Variants in ROR2 observed in about 807,000 individuals in gnomAD.
ROR2 encodes tyrosine-protein kinase transmembrane receptor ROR2.
A neutral mutation model predicts 74.9 loss-of-function variants in ROR2; 33 were observed. That is an observed-to-expected ratio of 0.44 (90% CI 0.33 to 0.59). ROR2 has a LOEUF of 0.59. ROR2 is among the 20% of genes least tolerant of loss of function. The pLI is 0.02. For synonymous variants in ROR2, 586 were observed against 558.7 expected, an observed-to-expected ratio of 1.05 and a Z score of -0.69; for missense variants, 1,216 against 1,313.8, an observed-to-expected ratio of 0.93 and a Z score of 1.15.
intron 1 of ROR2, among the ~76,000 whole-genome samples, chr9:91,910,809 G>T (rs1300818566): frequency 6.6e-6 from 1 of 152,008 alleles, no homozygotes; most frequent in East Asian, 1.9e-4. Flanking sequence ...GATTAGAGGC[G>T]TGTACCACCA....
At position 91,794,689 on chromosome 9, in the gene ROR2, C is replaced by T. The variant is rs531889444; in HGVS notation, c.98-18871G>A. 3.6e-4 allele frequency among the ~76,000 whole-genome samples: 54 copies of T among 151,608 alleles called. 1 individual carries two copies. Among genetic ancestry groups the T allele is most frequent in the African/African-American group, 1.2e-3 (51 of 41,322 alleles). On this transcript the variant is annotated intron_variant, in intron 1 of 8. Transcript: ENST00000375708. ...GCAACCTCTGCCTCCCAGGTTCAAG[C>T]GATTCTCCTTAGGCATTTCTTTTTC...
At chr9:91,827,769 G>A (rs987580261) in intron 1 of ROR2, among the ~76,000 whole-genome samples, 2 of 152,172 alleles carry the variant, frequency 1.3e-5, no homozygotes, top group African/African-American at 2.4e-5. Flanking sequence ...GTGTTCCATC[G>A]GTAGGCTTAA....
At chr9:91,798,196 G>C (rs1405493082) in intron 1 of ROR2, among the ~76,000 whole-genome samples, 8 of 76,966 alleles carry the variant, frequency 1.0e-4, no homozygotes, top group African/African-American at 4.0e-4. Context: ...ACACCATGGG[G>C]TCTGTTAGTG....
chr9:91,917,569 C>T (rs956981352), intron 1 of ROR2, among the ~76,000 whole-genome samples: 12 of 152,190 alleles, frequency 7.9e-5, no homozygotes, highest in Non-Finnish European at 2.9e-5. Flanking sequence ...GAAAGCATGC[C>T]CAGGAAGACC....
chr9:91,754,061 G>T (rs2118829132), intron 4 of ROR2, among the ~76,000 whole-genome samples: 1 of 152,186 alleles, frequency 6.6e-6, no homozygotes. Flanking sequence ...TATGACAAGG[G>T]AGGCAGGAGG....
At chr9:91,812,393 C>CG (rs1563976687) in intron 1 of ROR2, among the ~76,000 whole-genome samples, 1 of 151,668 alleles carries the variant, frequency 6.6e-6, no homozygotes, top group African/African-American at 2.4e-5. Context: ...GGCTCCTGCG[C>CG]GGGGGCCGGG....
At chr9:91,914,233 T>C (rs1475434797) in intron 1 of ROR2, among the ~76,000 whole-genome samples, 1 of 152,124 alleles carries the variant, frequency 6.6e-6, no homozygotes, top group Non-Finnish European at 1.5e-5. Flanking sequence ...TATCACTTGG[T>C]TGATAGCTTA....
In ROR2 at chr9:91,735,606, C is replaced by CTTTTTTTTT. The variant is rs35146225; in HGVS notation, c.622+1776_622+1784dup. On this transcript the variant is annotated intron_variant, in intron 5 of 8. Transcript: ENST00000375708. ...GCACGGTTCCTACTAAGGGCTCTAACTTTTTTTTTTTTTTTTTTTTTTTTT... is the reference window on the plus strand; with the variant it reads ...GCACGGTTCCTACTAAGGGCTCTAACTTTTTTTTTTTTTTTTTTTTTTTTTTTTTTTTTT... Among the ~76,000 whole-genome samples, 46 of 79,000 alleles carry CTTTTTTTTT rather than the reference C, an allele frequency of 5.8e-4. 2 individuals are homozygous for CTTTTTTTTT. The highest frequency in any genetic ancestry group is 1.0e-3 in the African/African-American group (22 of 21,748). 51.8% of individuals were successfully genotyped at this position (79,000 alleles called of 152,430 possible).
chr9:91,948,266 T>C (rs978012502), intron 1 of ROR2, among the ~76,000 whole-genome samples: 1 of 152,160 alleles, frequency 6.6e-6, no homozygotes, highest in Admixed American at 6.5e-5. Context: ...TGTAGGACAA[T>C]TAACCGCAGG....
At chr9:91,802,571 G>A (rs1564286097) in intron 1 of ROR2, among the ~76,000 whole-genome samples, 1 of 152,140 alleles carries the variant, frequency 6.6e-6, no homozygotes, top group Admixed American at 6.5e-5. Context: ...TTTAAACACA[G>A]GCAACTTCAA....
chr9:91,756,157 CCTT>C, intron 3 of ROR2, 56 bp from the exon 4 acceptor site: 1 of 1,576,190 alleles, frequency 6.3e-7, no homozygotes, highest in Non-Finnish European at 8.7e-7. Flanking sequence ...TGGAATACAA[CCTT>C]CTTCAAATCA....
chr9:91,901,920 TG>T (rs1036794521), intron 1 of ROR2, among the ~76,000 whole-genome samples: 6 of 151,644 alleles, frequency 4.0e-5, no homozygotes, highest in Admixed American at 6.6e-5. Flanking sequence ...CAGGTGTAGG[TG>T]GGGGGGCCTA....
intron 1 of ROR2, among the ~76,000 whole-genome samples, chr9:91,783,185 G>T (rs1309893999): frequency 6.6e-6 from 1 of 152,114 alleles, no homozygotes; most frequent in South Asian, 2.1e-4. Flanking sequence ...GAGCCCTGAT[G>T]ACCTCCTTTT....
chr9:91,794,511 CAT>C (rs112902058), intron 1 of ROR2, among the ~76,000 whole-genome samples: 13 of 152,280 alleles, frequency 8.5e-5, no homozygotes, highest in African/African-American at 3.1e-4. Flanking sequence ...AACAAATCCA[CAT>C]AGAGGCTTTA....
intron 1 of ROR2, among the ~76,000 whole-genome samples, chr9:91,808,101 T>G (rs1827626351): frequency 6.8e-6 from 1 of 147,328 alleles, no homozygotes; most frequent in Non-Finnish European, 1.5e-5. Flanking sequence ...CTAAGCGGAA[T>G]GCTTTAGGAA....
chr9:91,800,393 C>T (rs191361147), intron 1 of ROR2, among the ~76,000 whole-genome samples: 160 of 151,680 alleles, frequency 1.1e-3, no homozygotes, highest in African/African-American at 3.4e-3. Flanking sequence ...ATATTTCTGT[C>T]ATCTGTGGTG....
chr9:91,726,322 C>T (rs1271047831), intron 8 of ROR2, among the ~76,000 whole-genome samples: 1 of 152,088 alleles, frequency 6.6e-6, no homozygotes, highest in African/African-American at 2.4e-5. Context: ...GGCCCATGGA[C>T]TCTGGGGCAG....
At chr9:91,752,057 C>T (rs534905475) in intron 4 of ROR2, among the ~76,000 whole-genome samples, 1 of 152,280 alleles carries the variant, frequency 6.6e-6, no homozygotes, top group African/African-American at 2.4e-5. Context: ...TGAATCACTG[C>T]ATACACCGGA....
chr9:91,933,492 T>C (rs192227932), intron 1 of ROR2, among the ~76,000 whole-genome samples: 1 of 152,302 alleles, frequency 6.6e-6, no homozygotes, highest in East Asian at 1.9e-4. Context: ...ATGAGAGCTA[T>C]CAGCAAATTG....
Sources: allele counts gnomAD v4.1 joint callset (sites outside exome capture counted in the v4.1 genomes callset), GRCh38; gene constraint gnomAD v4.1.1; transcripts MANE v1.5; gene names NCBI Gene and HGNC (gene_info 2026-07-23, HGNC 2026-07-21).